The following ASH1L variants were observed in gnomAD, a reference collection of about 807,000 sequenced individuals.
The protein encoded by ASH1L is ASH1 like histone lysine methyltransferase.
Under a neutral mutation model 269.0 loss-of-function variants are expected in ASH1L, and 23 were observed. The ratio of observed to expected loss-of-function variants is 0.09; its 90% CI spans 0.06 to 0.12. ASH1L has a LOEUF of 0.12. ASH1L is among the 10% of genes least tolerant of loss of function. ASH1L has a pLI of 1.00. For missense variants in ASH1L, 2,912 were observed against 3,567.8 expected, an observed-to-expected ratio of 0.82 and a Z score of 4.68; for synonymous variants, 1,187 against 1,253.5, an observed-to-expected ratio of 0.95 and a Z score of 1.12.
rs1387624787 is a variant in ASH1L at position 155,394,449 on chromosome 1, G to A, written c.6103+1010C>T. Among the ~76,000 whole-genome samples the A allele has an allele frequency of 5.9e-5, 9 of 152,158 alleles. No homozygotes were observed. The East Asian group carries it at 1.5e-3, about 26-fold the overall frequency. On this transcript the variant is annotated intron_variant, in intron 7 of 27. Transcript: ENST00000392403. ...TACTGAATGGAGGCTGGGCCACATG[G>A]AAACACAACTGGAAATAGATCTGTT...
At chr1:155,412,514 G>A (rs1457495818) in intron 6 of ASH1L, among the ~76,000 whole-genome samples, 4 of 152,174 alleles carry the variant, frequency 2.6e-5, no homozygotes, top group Admixed American at 2.6e-4. Context: ...TGCGCCCAAG[G>A]AGGGAATGAA....
intron 6 of ASH1L, among the ~76,000 whole-genome samples, chr1:155,411,230 T>C (rs1176026811): frequency 6.6e-6 from 1 of 152,154 alleles, no homozygotes; most frequent in African/African-American, 2.4e-5. Context: ...CAGCCCACAA[T>C]AATATCCTGG....
At chr1:155,366,989 GTTTTT>G (rs896488958) in intron 12 of ASH1L, among the ~76,000 whole-genome samples, 2 of 124,196 alleles carry the variant, frequency 1.6e-5, no homozygotes, top group Non-Finnish European at 3.4e-5. Context: ...AATGGGTTTG[GTTTTT>G]TTTTTTTTTT....
Position 155,481,587 on chromosome 1 carries a change from G to T in ASH1L, c.1283C>A (p.Ala428Glu). Residue 428 changes from alanine to glutamate, a missense_variant, in exon 3 of 28, where the codon GCA (alanine) becomes GAA (glutamate). Ala to Glu is a moderately radical substitution (Grantham distance 107, BLOSUM62 -1). This residue lies in a region of ASH1L where 715 missense variants were observed against 721.0 expected (regional missense o/e 0.99). Transcript: ENST00000392403. ...AAGCGGTTCCTGAGTGGGGAGCAGTGCTTCGGCTTTAAGGTTTATGGCATC... is the reference window on the plus strand; with the variant it reads ...AAGCGGTTCCTGAGTGGGGAGCAGTTCTTCGGCTTTAAGGTTTATGGCATC... Reference protein sequence around the residue: ...SKDAINLKAEALLPTQEPLKA... With the variant: ...SKDAINLKAEELLPTQEPLKA... The T allele has an allele frequency of 3.1e-6, 5 of 1,614,150 alleles. No homozygotes were observed. Among genetic ancestry groups the T allele is most frequent in the Non-Finnish European group, 4.2e-6 (5 of 1,180,020 alleles).
chr1:155,395,536 A>T lies in ASH1L; in HGVS notation c.6026T>A (p.Ile2009Asn), dbSNP rs1658270905. 2 of 1,609,390 alleles carry T rather than the reference A, an allele frequency of 1.2e-6. No individual in the cohort carries two copies. The highest frequency in any genetic ancestry group is 1.7e-6 in the Non-Finnish European group (2 of 1,178,580). Residue 2009 changes from isoleucine to asparagine, a missense_variant, in exon 7 of 28, where the codon ATC (isoleucine) becomes AAC (asparagine). Ile to Asn is a moderately radical substitution (Grantham distance 149, BLOSUM62 -3). Coordinates refer to ENST00000392403, the MANE Select transcript of ASH1L (RefSeq NM_018489.3). ...CTCCAGCTTCTCTTTCTTTAATTGG[A>T]TCAATCGACTCTTTGGGCTGTGATA... ...YKTTDPKSRL[I>N]QLKKEKLEYT...
chr1:155,465,289 C>CAAAAAAAAAAAAAAAA (rs1171228344), intron 3 of ASH1L, among the ~76,000 whole-genome samples: 60 of 62,444 alleles, frequency 9.6e-4, no homozygotes, highest in Admixed American at 1.1e-3. Flanking sequence ...TACAAATTAG[C>CAAAAAAAAAAAAAAAA]AAAAAAAAAA....
intron 10 of ASH1L, 34 bp from the exon 11 acceptor site, chr1:155,371,017 AC>A (rs1655897563): frequency 2.5e-6 from 4 of 1,596,190 alleles, no homozygotes; most frequent in Non-Finnish European, 2.6e-6. Context: ...ACATCAACTT[AC>A]ATGATACATA....
intron 1 of ASH1L, among the ~76,000 whole-genome samples, chr1:155,558,019 T>A (rs953709100): frequency 6.6e-6 from 1 of 152,158 alleles, no homozygotes; most frequent in African/African-American, 2.4e-5. Flanking sequence ...CACCACAATC[T>A]TACACATAGT....
intron 4 of ASH1L, among the ~76,000 whole-genome samples, chr1:155,454,772 TAATA>T (rs202144102): frequency 9.2e-5 from 14 of 151,818 alleles, no homozygotes; most frequent in Non-Finnish European, 1.5e-4. Context: ...CTGTCAAAAA[TAATA>T]AATAAATAAA....
rs143107528 is a variant in ASH1L at position 155,479,853 on chromosome 1, A to G, written c.3017T>C (p.Val1006Ala). The G allele has an allele frequency of 1.3e-5, 21 of 1,613,626 alleles. No individual in the cohort carries two copies. In the Admixed American group the frequency reaches 2.0e-4, roughly 15 times the overall value. ...KLLNQILSSS[V>A]ESSNKGKVQS... ...CACTTTCCCTTTATTACTTGATTCT[A>G]CAGAACTTGAAAGAATCTGATTCAA... The change falls in exon 3 of 28, where the codon GTA (valine) becomes GCA (alanine). Residue 1006 changes from valine to alanine, a missense_variant. Val to Ala is a moderately conservative substitution (Grantham distance 64). Coordinates refer to ENST00000392403, the MANE Select transcript of ASH1L (RefSeq NM_018489.3).
intron 6 of ASH1L, among the ~76,000 whole-genome samples, chr1:155,413,081 C>G (rs1284273975): frequency 2.6e-5 from 4 of 152,008 alleles, no homozygotes; most frequent in African/African-American, 4.8e-5. Context: ...TATATTTCTG[C>G]TCTATTTAGC....
intron 7 of ASH1L, among the ~76,000 whole-genome samples, chr1:155,389,611 T>C (rs759357002): frequency 7.2e-5 from 11 of 151,958 alleles, no homozygotes; most frequent in Admixed American, 1.3e-4. Flanking sequence ...AGGAGGAGAA[T>C]GCAGAGAGCC....
chr1:155,347,038 C>T (rs1323094259), intron 20 of ASH1L, among the ~76,000 whole-genome samples: 1 of 152,194 alleles, frequency 6.6e-6, no homozygotes, highest in Non-Finnish European at 1.5e-5. Flanking sequence ...AGGCAAAGCA[C>T]TATATGAAAT....
In ASH1L at chr1:155,478,385, A is replaced by G; in HGVS notation, c.4485T>C (p.Ser1495=). The part of the protein sequence containing the change: ...HRHKHREHRS[S]EQPQVSMDTG... ...TGTCCATAGAAACCTGGGGTTGTTC[A>G]GAAGAACGGTGTTCTCTGTGTTTGT... Residue 1495 remains serine, a synonymous_variant, in exon 3 of 28, where the codon TCT becomes TCC. Coordinates refer to ENST00000392403, the MANE Select transcript of ASH1L (RefSeq NM_018489.3). This position sits in a 1 kb window ranked among gnomAD's most constrained non-coding sequence, Gnocchi z 4.6. The G allele has an allele frequency of 1.2e-6, 2 of 1,614,082 alleles. No individual in the cohort carries two copies. Among genetic ancestry groups the G allele is most frequent in the Non-Finnish European group, 1.7e-6 (2 of 1,179,980 alleles).
intron 1 of ASH1L, among the ~76,000 whole-genome samples, chr1:155,543,974 C>G (rs1254740038): frequency 6.6e-6 from 1 of 152,082 alleles, no homozygotes; most frequent in African/African-American, 2.4e-5. Context: ...GCAATTTCCT[C>G]ATGGATTTAT....
At chr1:155,360,252 C>A in intron 13 of ASH1L, 49 bp downstream of exon 13, 1 of 1,220,300 alleles carries the variant, frequency 8.2e-7, no homozygotes, top group Non-Finnish European at 1.2e-6. Context: ...GTTATTACAG[C>A]ATTGTAAGGG....
chr1:155,395,695 T>C, intron 6 of ASH1L, 142 bp from the exon 7 acceptor site: 2 of 534,946 alleles, frequency 3.7e-6, no homozygotes, highest in Non-Finnish European at 6.2e-6. Context: ...CTTCTGAAAC[T>C]GTCCTTAAGA....
intron 1 of ASH1L, among the ~76,000 whole-genome samples, chr1:155,541,469 C>T (rs1670423199): frequency 6.6e-6 from 1 of 151,988 alleles, no homozygotes; most frequent in Non-Finnish European, 1.5e-5. Flanking sequence ...TACTAAGTCA[C>T]TAATATTATA....
At chr1:155,519,368 G>A (rs1332329288) in intron 2 of ASH1L, among the ~76,000 whole-genome samples, 6 of 152,080 alleles carry the variant, frequency 3.9e-5, no homozygotes, top group Middle Eastern at 3.4e-3. Flanking sequence ...CCCTGGAGGC[G>A]GAGGTTGCAG....
Sources: gnomAD v4.1 joint callset for allele counts (sites outside exome capture counted in the v4.1 genomes callset) on GRCh38, gnomAD v4.1.1 for gene constraint, gnomAD v4.1.1 regional missense constraint, Gnocchi (gnomAD v3.1) non-coding constraint, MANE v1.5 for transcripts, NCBI Gene and HGNC (gene_info 2026-07-23, HGNC 2026-07-21) for gene names.